The following AGAP1 variants were observed in gnomAD, a reference collection of about 807,000 sequenced individuals.
The protein encoded by AGAP1 is arf-GAP with GTPase, ANK repeat and PH domain-containing protein 1.
A neutral mutation model predicts 105.3 loss-of-function variants in AGAP1; 29 were observed. The observed-to-expected ratio is 0.28, with a 90% CI of 0.21 to 0.38. The LOEUF is 0.38. Among genes scored for constraint, AGAP1 ranks in the 10% least tolerant of loss-of-function variants. AGAP1 has a pLI of 1.00. For missense variants in AGAP1, 998 were observed against 1,165.1 expected (o/e 0.86, Z 2.09); for synonymous variants, 509 against 485.9 (o/e 1.05, Z -0.63).
intron 16 of AGAP1, among the ~76,000 whole-genome samples, chr2:236,106,011 C>A (rs927068477): frequency 1.3e-5 from 2 of 152,214 alleles, no homozygotes; most frequent in African/African-American, 4.8e-5. Flanking sequence ...GGGGTTAGGG[C>A]TTCAGCGACT....
At chr2:235,518,074 A>G (rs1053090227) in intron 1 of AGAP1, among the ~76,000 whole-genome samples, 5 of 152,342 alleles carry the variant, frequency 3.3e-5, no homozygotes, top group Admixed American at 6.5e-5. Context: ...CCGAAGGTGC[A>G]GCGCAGGGAC....
At chr2:235,634,952 T>TCCTCAC (rs375662268) in intron 1 of AGAP1, among the ~76,000 whole-genome samples, 2,573 of 151,618 alleles carry the variant, frequency 0.017, 70 homozygotes, top group African/African-American at 0.06. Context: ...CACCCCCACC[T>TCCTCAC]CCTCACCCTC....
chr2:235,759,634 C>A (rs942466125), intron 6 of AGAP1, among the ~76,000 whole-genome samples: 1 of 152,136 alleles, frequency 6.6e-6, no homozygotes, highest in Non-Finnish European at 1.5e-5. Context: ...GGTGGGGGCG[C>A]ACATGTGAGG....
At chr2:235,602,688 C>G (rs779142912) in intron 1 of AGAP1, among the ~76,000 whole-genome samples, 3 of 149,110 alleles carry the variant, frequency 2.0e-5, no homozygotes, top group Non-Finnish European at 4.4e-5. Context: ...TAGCAGTTAT[C>G]CGCATCAGAC....
At chr2:235,696,391 A>T (rs1013928056) in intron 1 of AGAP1, among the ~76,000 whole-genome samples, 1 of 152,194 alleles carries the variant, frequency 6.6e-6, no homozygotes, top group African/African-American at 2.4e-5. Flanking sequence ...TACCCTGAGC[A>T]TCAGTGACAG....
In AGAP1 at chr2:236,083,921, A is replaced by AC. The variant is rs2058854435; in HGVS notation, c.2114+34641dup. On this transcript the variant is annotated intron_variant, in intron 16 of 17. Coordinates refer to ENST00000304032, the MANE Select transcript of AGAP1 (RefSeq NM_001037131.3). The surrounding 1 kb of genome is among the most constrained non-coding windows in gnomAD (Gnocchi z 5.3). Reference sequence around the variant, plus strand: ...CACGTGCACACATACACACACAGGCACACATATGCACACACCAAGGTTCTA... The same window carrying AC: ...CACGTGCACACATACACACACAGGCACCACATATGCACACACCAAGGTTCTA... Among the ~76,000 whole-genome samples the AC allele has an allele frequency of 6.6e-6, 1 of 152,328 alleles. No homozygotes were observed. Among genetic ancestry groups the AC allele is most frequent in the Non-Finnish European group, 1.5e-5 (1 of 68,036 alleles).
intron 11 of AGAP1, among the ~76,000 whole-genome samples, chr2:235,913,438 T>C (rs2051718393): frequency 6.6e-6 from 1 of 152,212 alleles, no homozygotes; most frequent in African/African-American, 2.4e-5. Context: ...TTTTTCTCTT[T>C]GTTGAATTTT....
In AGAP1 at chr2:235,993,380, C is replaced by T. The variant is rs1013109436; in HGVS notation, c.1645+24757C>T. On this transcript the variant is annotated intron_variant, in intron 13 of 17. Coordinates refer to ENST00000304032, the MANE Select transcript of AGAP1 (RefSeq NM_001037131.3). The surrounding 1 kb of genome is among the most constrained non-coding windows in gnomAD (Gnocchi z 5.0). ...TGGAAGCCCAAGAAGGCAGGAGACT[C>T]GTCTCAGATATTTCCTGGTGTCCCT... Among the ~76,000 whole-genome samples the T allele has an allele frequency of 2.0e-5, 3 of 152,216 alleles. No individual in the cohort carries two copies. Among genetic ancestry groups the T allele is most frequent in the African/African-American group, 7.2e-5 (3 of 41,458 alleles).
Position 235,951,970 on chromosome 2 carries a change from A to C in AGAP1, c.1484-16492A>C, listed in dbSNP as rs11683125. Among the ~76,000 whole-genome samples, 1 of 152,132 alleles carries C rather than the reference A, an allele frequency of 6.6e-6. No individual in the cohort carries two copies. The highest frequency in any genetic ancestry group is 1.5e-5 in the Non-Finnish European group (1 of 68,034). ...GGAACCTTCTGTCATCCTACCTGCTATGTATTTGTGACCTGATATATTATT... is the reference window on the plus strand; with the variant it reads ...GGAACCTTCTGTCATCCTACCTGCTCTGTATTTGTGACCTGATATATTATT... On this transcript the variant is annotated intron_variant, in intron 12 of 17. Transcript: ENST00000304032. This position sits in a 1 kb window ranked among gnomAD's most constrained non-coding sequence, Gnocchi z 4.2.
rs190619919 is a variant in AGAP1 at position 235,963,558 on chromosome 2, T to C, written c.1484-4904T>C. On this transcript the variant is annotated intron_variant, in intron 12 of 17. Coordinates refer to ENST00000304032, the MANE Select transcript of AGAP1 (RefSeq NM_001037131.3). This position sits in a 1 kb window ranked among gnomAD's most constrained non-coding sequence, Gnocchi z 5.1. ...CCCTCAGCAGAGTATTTGACAAGATTTTTCCTTGGTTTCCTCATAGGCAAG... is the reference window on the plus strand; with the variant it reads ...CCCTCAGCAGAGTATTTGACAAGATCTTTCCTTGGTTTCCTCATAGGCAAG... Among the ~76,000 whole-genome samples, 1 of 152,316 alleles carries C rather than the reference T, an allele frequency of 6.6e-6. No individual in the cohort carries two copies. The highest frequency in any genetic ancestry group is 1.9e-4 in the East Asian group (1 of 5,184).
At chr2:235,598,685 G>A (rs1408166347) in intron 1 of AGAP1, among the ~76,000 whole-genome samples, 1 of 152,212 alleles carries the variant, frequency 6.6e-6, no homozygotes, top group East Asian at 1.9e-4. Context: ...TAAATGTACA[G>A]ATGATGCGTT....
rs899781313 is a variant in AGAP1 at position 235,875,328 on chromosome 2, T to C, written c.1051-8017T>C. 1.3e-5 allele frequency among the ~76,000 whole-genome samples: 2 copies of C among 152,174 alleles called. No homozygotes were observed. The highest frequency in any genetic ancestry group is 4.8e-5 in the African/African-American group (2 of 41,448). ...TGTTGGGATGAACAAGCACTTTGGG[T>C]TCCTGAGATCTTAGGATAAAAGCCC... On this transcript the variant is annotated intron_variant, in intron 9 of 17. Coordinates refer to ENST00000304032, the MANE Select transcript of AGAP1 (RefSeq NM_001037131.3). This position sits in a 1 kb window ranked among gnomAD's most constrained non-coding sequence, Gnocchi z 4.0.
chr2:235,762,880 CAGGA>C (rs1273608951), intron 6 of AGAP1, among the ~76,000 whole-genome samples: 2 of 151,952 alleles, frequency 1.3e-5, no homozygotes, highest in Non-Finnish European at 2.9e-5. Context: ...CTCAAAAAAA[CAGGA>C]AAGAAAGATA....
chr2:235,812,992 CG>C (rs1412824272), intron 9 of AGAP1, among the ~76,000 whole-genome samples: 4 of 152,154 alleles, frequency 2.6e-5, no homozygotes, highest in African/African-American at 7.2e-5. Context: ...ATATTCAGCC[CG>C]GTTCACAACA....
intron 12 of AGAP1, among the ~76,000 whole-genome samples, chr2:235,939,489 C>G (rs932814994): frequency 8.6e-5 from 13 of 152,040 alleles, no homozygotes; most frequent in African/African-American, 3.1e-4. Flanking sequence ...CATACCTGCT[C>G]GGCCATCGCT....
At chr2:235,613,939 G>A (rs569758744) in intron 1 of AGAP1, among the ~76,000 whole-genome samples, 1 of 152,176 alleles carries the variant, frequency 6.6e-6, no homozygotes, top group African/African-American at 2.4e-5. Flanking sequence ...CCTGGCTAGT[G>A]GTAGTCTGCA....
intron 1 of AGAP1, among the ~76,000 whole-genome samples, chr2:235,598,629 G>T (rs879136903): frequency 2.0e-5 from 3 of 152,160 alleles, no homozygotes; most frequent in African/African-American, 7.2e-5. Context: ...TATAAACTCA[G>T]AATTGCCAAA....
chr2:235,648,242 G>A, intron 1 of AGAP1, among the ~76,000 whole-genome samples: 1 of 152,114 alleles, frequency 6.6e-6, no homozygotes, highest in East Asian at 1.9e-4. Flanking sequence ...TGCCCTCAGG[G>A]TGGGCAGTTT....
At chr2:235,795,950 T>A (rs952298152) in intron 6 of AGAP1, among the ~76,000 whole-genome samples, 6 of 152,182 alleles carry the variant, frequency 3.9e-5, no homozygotes, top group African/African-American at 1.4e-4. Flanking sequence ...CCATAACATA[T>A]TTGACTTATC....
Sources: allele counts gnomAD v4.1 joint callset (sites outside exome capture counted in the v4.1 genomes callset), GRCh38; gene constraint gnomAD v4.1.1; non-coding constraint Gnocchi (gnomAD v3.1); transcripts MANE v1.5; gene names NCBI Gene and HGNC (gene_info 2026-07-23, HGNC 2026-07-21).